Variants in SAMSN1 observed in about 807,000 individuals in gnomAD.
The protein encoded by SAMSN1 is SAM domain-containing protein SAMSN-1.
In SAMSN1, 31 loss-of-function variants were observed where a neutral mutation model predicts 42.0. The ratio of observed to expected loss-of-function variants is 0.74; its 90% confidence interval spans 0.55 to 1.00. SAMSN1 has a LOEUF of 1.00. Ranked by LOEUF, SAMSN1 falls within the 50% of genes least tolerant of loss-of-function variation. SAMSN1 has a pLI of 0.00. For missense variants in SAMSN1, 464 were observed against 439.4 expected (o/e 1.06, Z -0.50); for synonymous variants, 178 against 151.9 (o/e 1.17, Z -1.26).
intron 2 of SAMSN1, among the ~76,000 whole-genome samples, chr21:14,579,443 TTATC>T (rs1568817235): frequency 1.3e-5 from 2 of 152,120 alleles, no homozygotes; most frequent in Non-Finnish European, 2.9e-5. Context: ...ACAAAATAAT[TTATC>T]TATAACTGGA....
chr21:14,595,704 T>G (rs1289084020), intron 6 of SAMSN1, among the ~76,000 whole-genome samples: 9 of 152,186 alleles, frequency 5.9e-5, no homozygotes. Flanking sequence ...GTGTTTTTAC[T>G]CATATAAATG....
chr21:14,548,435 A>G (rs760594076), upstream of SAMSN1, among the ~76,000 whole-genome samples: 10 of 152,178 alleles, frequency 6.6e-5, no homozygotes, highest in Non-Finnish European at 1.5e-4. Context: ...GAACAGTCAC[A>G]TTTATGAGAC....
intron 2 of SAMSN1, among the ~76,000 whole-genome samples, chr21:14,629,704 G>A (rs558574685): frequency 6.6e-6 from 1 of 152,178 alleles, no homozygotes; most frequent in South Asian, 2.1e-4. Context: ...CAGGAAGAGG[G>A]CTGGTAAATT....
At chr21:14,552,451 G>A (rs1980631002) in intron 2 of SAMSN1, among the ~76,000 whole-genome samples, 1 of 152,030 alleles carries the variant, frequency 6.6e-6, no homozygotes, top group Non-Finnish European at 1.5e-5. Context: ...TTTATGGATT[G>A]CATTAGTGCC....
chr21:14,618,806 A>T (rs972215352), intron 2 of SAMSN1, among the ~76,000 whole-genome samples: 1 of 152,256 alleles, frequency 6.6e-6, no homozygotes, highest in Admixed American at 6.5e-5. Context: ...TTAATTTGAC[A>T]TTTGCCATGA....
At chr21:14,546,422 G>A, upstream of SAMSN1, 10 of 1,236,018 alleles carry the variant, frequency 8.1e-6, no homozygotes, top group Non-Finnish European at 1.1e-5. Flanking sequence ...CATTTACATG[G>A]GTAATTTTTT....
chr21:14,655,402 G>T lies in SAMSN1; in HGVS notation c.24+3346C>A, dbSNP rs1983900340. 2.0e-5 allele frequency among the ~76,000 whole-genome samples: 3 copies of T among 151,652 alleles called. 1 individual carries two copies. The South Asian group carries it at 6.2e-4, about 32-fold the overall frequency. On this transcript the variant is annotated intron_variant, in intron 1 of 15. Coordinates refer to the SAMSN1 transcript ENST00000647101. ...TTCCTATTAATGCAAGAAAACAACAGATCAATTTTAGGTATTAACATAGTT... is the reference window on the plus strand; with the variant it reads ...TTCCTATTAATGCAAGAAAACAACATATCAATTTTAGGTATTAACATAGTT...
upstream of SAMSN1, among the ~76,000 whole-genome samples, chr21:14,550,623 T>A (rs1779878128): frequency 2.6e-5 from 4 of 152,124 alleles, no homozygotes; most frequent in South Asian, 6.2e-4. Context: ...AGACCCTGCC[T>A]GAGTTTCATT....
intron 6 of SAMSN1, chr21:14,594,592 G>A (rs915569320): frequency 6.6e-6 from 1 of 152,278 alleles, no homozygotes; most frequent in Non-Finnish European, 1.5e-5. Context: ...AGTGTGGGAT[G>A]TCTTTTATTA....
chr21:14,536,641 A>G (rs1038069434), intron 1 of SAMSN1, among the ~76,000 whole-genome samples: 11 of 152,234 alleles, frequency 7.2e-5, no homozygotes, highest in African/African-American at 2.7e-4. Flanking sequence ...TAAAAGGTGC[A>G]CTACGAATTA....
At chr21:14,521,014 T>C (rs1265344672) in intron 2 of SAMSN1, 136 bp downstream of exon 2, 1 of 638,072 alleles carries the variant, frequency 1.6e-6, no homozygotes, top group Admixed American at 3.0e-5. Context: ...TGTTCATTTA[T>C]CACAAAAACA....
At chr21:14,551,583 C>G (rs189683463) in intron 2 of SAMSN1, among the ~76,000 whole-genome samples, 1 of 151,802 alleles carries the variant, frequency 6.6e-6, no homozygotes, top group Non-Finnish European at 1.5e-5. Flanking sequence ...CATATAAGGG[C>G]CATATTGTGG....
At chr21:14,614,580 T>G (rs1423175881) in intron 3 of SAMSN1, among the ~76,000 whole-genome samples, 1 of 152,200 alleles carries the variant, frequency 6.6e-6, no homozygotes. Flanking sequence ...TACATATTCT[T>G]GATAGTAATT....
At chr21:14,569,489 T>G (rs1380152874) in intron 2 of SAMSN1, among the ~76,000 whole-genome samples, 1 of 152,182 alleles carries the variant, frequency 6.6e-6, no homozygotes, top group East Asian at 1.9e-4. Flanking sequence ...ATTTTTAATC[T>G]TAACCCTCAT....
chr21:14,609,724 G>C (rs1982656704), intron 4 of SAMSN1, among the ~76,000 whole-genome samples: 1 of 152,156 alleles, frequency 6.6e-6, no homozygotes, highest in Non-Finnish European at 1.5e-5. Context: ...AGGAAGTCAG[G>C]GACCCCGAAC....
chr21:14,577,059 T>TTC lies in SAMSN1; in HGVS notation c.261+5076_261+5077insGA, dbSNP rs200792055. Among the ~76,000 whole-genome samples, 152 of 117,482 alleles carry TTC rather than the reference T, an allele frequency of 1.3e-3. 4 individuals carry two copies. The highest frequency in any genetic ancestry group is 4.9e-3 in the African/African-American group (127 of 26,116). The allele number at this position is 117,482 out of a possible 152,430, so 77.1% of individuals were successfully genotyped here. A position where few individuals can be genotyped will look rare whatever the true frequency, so the allele number is the denominator to read the frequency against. On this transcript the variant is annotated intron_variant, in intron 2 of 8. Coordinates refer to the SAMSN1 transcript ENST00000285670. Reference sequence around the variant, plus strand: ...GATTGCATCCGTTTCTTTTTTTTTTTTTTTTTTTTTTTTTGAGACGGAATC... The same window carrying TTC: ...GATTGCATCCGTTTCTTTTTTTTTTTTCTTTTTTTTTTTTTTGAGACGGAATC...
At chr21:14,621,705 A>G (rs1224125562) in intron 2 of SAMSN1, among the ~76,000 whole-genome samples, 2 of 152,262 alleles carry the variant, frequency 1.3e-5, no homozygotes, top group African/African-American at 4.8e-5. Context: ...GCAGCAGGGC[A>G]TAGCCAAACA....
At chr21:14,619,995 T>G (rs901814802) in intron 2 of SAMSN1, among the ~76,000 whole-genome samples, 1 of 151,416 alleles carries the variant, frequency 6.6e-6, no homozygotes. Context: ...GAGAGTGATC[T>G]TCTTAGATTT....
intron 6 of SAMSN1, 130 bp from the exon 7 acceptor site, chr21:14,498,722 C>T: frequency 1.6e-6 from 1 of 610,520 alleles, no homozygotes; most frequent in Non-Finnish European, 2.6e-6. Context: ...TACTTAACTT[C>T]ACTTGTATTC....
Sources: gnomAD v4.1 joint callset for allele counts (sites outside exome capture counted in the v4.1 genomes callset) on GRCh38, gnomAD v4.1.1 for gene constraint, MANE v1.5 for transcripts, NCBI Gene and HGNC (gene_info 2026-07-23, HGNC 2026-07-21) for gene names.